THSD7A: variants seen among roughly 807,000 people sequenced by gnomAD.
The protein encoded by THSD7A is thrombospondin type 1 domain containing 7A, also known as thrombospondin type-1 domain-containing protein 7A.
Under a neutral mutation model 231.3 loss-of-function variants are expected in THSD7A, and 96 were observed. The ratio of observed to expected loss-of-function variants is 0.41; its 90% CI spans 0.35 to 0.49. The LOEUF (loss-of-function observed/expected upper bound fraction) is 0.49. Among genes scored for constraint, THSD7A ranks in the 20% least tolerant of loss-of-function variants. The pLI is 0.05. For synonymous variants in THSD7A, 940 were observed against 743.3 expected (o/e 1.26, Z -4.30); for missense variants, 2,290 against 2,070.2 (o/e 1.11, Z -2.06).
chr7:11,522,903 C>G (rs1788324185), intron 6 of THSD7A, among the ~76,000 whole-genome samples: 1 of 152,042 alleles, frequency 6.6e-6, no homozygotes, highest in Non-Finnish European at 1.5e-5. Flanking sequence ...TTTGTAGTCC[C>G]TTTCAAAATA....
chr7:11,506,912 A>G (rs570953307), intron 6 of THSD7A, among the ~76,000 whole-genome samples: 2 of 152,186 alleles, frequency 1.3e-5, no homozygotes, highest in East Asian at 1.9e-4. Context: ...CAATTTTGAT[A>G]TGTTGATCAT....
intron 6 of THSD7A, among the ~76,000 whole-genome samples, chr7:11,515,639 C>A (rs555000609): frequency 3.6e-4 from 55 of 152,084 alleles, no homozygotes; most frequent in African/African-American, 1.3e-3. Context: ...CTACAGAGAT[C>A]TTTTATATAT....
chr7:11,558,466 G>A (rs991180958), intron 4 of THSD7A, among the ~76,000 whole-genome samples: 1 of 152,026 alleles, frequency 6.6e-6, no homozygotes, highest in African/African-American at 2.4e-5. Flanking sequence ...CTCTCTCCTG[G>A]TGAACTACTA....
intron 7 of THSD7A, among the ~76,000 whole-genome samples, chr7:11,479,088 A>G (rs1308630409): frequency 6.6e-6 from 1 of 152,288 alleles, no homozygotes; most frequent in Middle Eastern, 3.4e-3. Flanking sequence ...CAATATTGTG[A>G]CATTTCATGA....
In THSD7A at chr7:11,760,203, T is replaced by C. The variant is rs374926410; in HGVS notation, c.190+71554A>G. 1.6e-4 allele frequency among the ~76,000 whole-genome samples: 24 copies of C among 152,172 alleles called. 1 individual carries two copies. In the East Asian group the frequency reaches 3.1e-3, roughly 20 times the overall value. On this transcript the variant is annotated intron_variant, in intron 1 of 27. Coordinates refer to ENST00000423059, the MANE Select transcript of THSD7A (RefSeq NM_015204.3). Reference sequence around the variant, plus strand: ...TAAAATGAACTTCCAAACTGGAAGATTCAAAAATTAATGGAATGATATTTG... The same window carrying C: ...TAAAATGAACTTCCAAACTGGAAGACTCAAAAATTAATGGAATGATATTTG...
chr7:11,778,077 A>G (rs1432317038), intron 1 of THSD7A, among the ~76,000 whole-genome samples: 2 of 142,476 alleles, frequency 1.4e-5, no homozygotes, highest in East Asian at 4.3e-4. Flanking sequence ...GAATGGCGTG[A>G]ACCCGGGAGG....
chr7:11,831,884 G>C lies in THSD7A; in HGVS notation c.63C>G (p.Gly21=). ...GSRGAAGPRR[G]VLQLLPLPLP... The stretch of plus-strand genomic sequence containing the variant: ...GCGGCAGCGGCAGCAGCTGCAGGAC[G>C]CCCCGGCGCGGCCCCGCAGCGCCCC... The change falls in exon 1 of 28, where the codon GGC becomes GGG. Residue 21 remains glycine (G), a synonymous_variant. Coordinates refer to ENST00000423059, the MANE Select transcript of THSD7A (RefSeq NM_015204.3). This position sits in a 1 kb window ranked among gnomAD's most constrained non-coding sequence, Gnocchi z 5.0. 1 of 1,248,514 alleles carries C rather than the reference G, an allele frequency of 8.0e-7. No individual in the cohort carries two copies. The allele number at this position is 1,248,514 out of a possible 1,614,324, so 77.3% of individuals were successfully genotyped here. A position where few individuals can be genotyped will look rare whatever the true frequency, so the allele number is the denominator to read the frequency against.
intron 4 of THSD7A, among the ~76,000 whole-genome samples, chr7:11,563,778 A>G (rs6945973): frequency 0.084 from 12,790 of 152,200 alleles, 1,071 homozygotes; most frequent in African/African-American, 0.21. Context: ...CAATATCTTC[A>G]GTATCCAATC....
intron 4 of THSD7A, among the ~76,000 whole-genome samples, chr7:11,558,508 G>T (rs1041819485): frequency 2.0e-5 from 3 of 151,960 alleles, no homozygotes; most frequent in Non-Finnish European, 2.9e-5. Flanking sequence ...TGTTTTAATG[G>T]GCTACTGGGA....
At chr7:11,800,327 TC>T (rs1425868134) in intron 1 of THSD7A, among the ~76,000 whole-genome samples, 4 of 152,260 alleles carry the variant, frequency 2.6e-5, no homozygotes, top group African/African-American at 7.2e-5. Context: ...GGTGAGAAGA[TC>T]GCCTGAGGTC....
intron 16 of THSD7A, among the ~76,000 whole-genome samples, chr7:11,420,721 C>A (rs1784115770): frequency 1.3e-5 from 2 of 152,198 alleles, no homozygotes; most frequent in African/African-American, 2.4e-5. Context: ...GCACTGTGCA[C>A]CTGGAAAAGC....
At chr7:11,671,903 A>G (rs1434468174) in intron 1 of THSD7A, among the ~76,000 whole-genome samples, 1 of 152,142 alleles carries the variant, frequency 6.6e-6, no homozygotes, top group African/African-American at 2.4e-5. Flanking sequence ...TAATGCATTT[A>G]TATTCTGATA....
At chr7:11,404,305 G>C (rs922289811) in intron 22 of THSD7A, among the ~76,000 whole-genome samples, 1 of 152,194 alleles carries the variant, frequency 6.6e-6, no homozygotes, top group Non-Finnish European at 1.5e-5. Flanking sequence ...GTGAGTGTGT[G>C]TGCTGCAGAA....
chr7:11,629,905 C>G (rs1781594120), intron 2 of THSD7A, among the ~76,000 whole-genome samples: 1 of 152,218 alleles, frequency 6.6e-6, no homozygotes, highest in Non-Finnish European at 1.5e-5. Context: ...TTTAGGCTCT[C>G]TCCCTCTCTA....
intron 1 of THSD7A, among the ~76,000 whole-genome samples, chr7:11,722,522 C>G (rs1781392679): frequency 6.6e-6 from 1 of 151,806 alleles, no homozygotes; most frequent in Non-Finnish European, 1.5e-5. Context: ...TGGCCCCCAC[C>G]CAGAGGCTGA....
intron 13 of THSD7A, among the ~76,000 whole-genome samples, chr7:11,445,721 C>T (rs1248258796): frequency 6.6e-6 from 1 of 151,978 alleles, no homozygotes; most frequent in African/African-American, 2.4e-5. Context: ...CCTTCCTGTG[C>T]ACAGACTTGT....
chr7:11,576,759 G>A lies in THSD7A; in HGVS notation c.1453+13701C>T, dbSNP rs554965558. ...CATGTCACAGAATGAACTTAATTGC[G>A]TTGGCTCCTATAAAGGGCTTACATT... On this transcript the variant is annotated intron_variant, in intron 4 of 27. Coordinates refer to ENST00000423059, the MANE Select transcript of THSD7A (RefSeq NM_015204.3). Among the ~76,000 whole-genome samples, 10 of 152,250 alleles carry A rather than the reference G, an allele frequency of 6.6e-5. No individual in the cohort carries two copies. In the South Asian group the frequency reaches 1.2e-3, roughly 19 times the overall value.
chr7:11,781,165 G>T (rs1488507286), intron 1 of THSD7A, among the ~76,000 whole-genome samples: 1 of 152,062 alleles, frequency 6.6e-6, no homozygotes, highest in South Asian at 2.1e-4. Context: ...GGGAGGCCAG[G>T]TGCAGTGGCT....
intron 1 of THSD7A, among the ~76,000 whole-genome samples, chr7:11,812,382 G>A (rs7789046): frequency 0.75 from 114,172 of 151,818 alleles, 43,264 homozygotes; most frequent in South Asian, 0.88. Context: ...AGCACTTTAT[G>A]CTTTTAAATA....
Sources: gnomAD v4.1 joint callset for allele counts (sites outside exome capture counted in the v4.1 genomes callset) on GRCh38, gnomAD v4.1.1 for gene constraint, Gnocchi (gnomAD v3.1) non-coding constraint, MANE v1.5 for transcripts, NCBI Gene and HGNC (gene_info 2026-07-23, HGNC 2026-07-21) for gene names.